RIN2: variants seen among roughly 807,000 people sequenced by gnomAD.
The protein encoded by RIN2 is Ras and Rab interactor 2, also known as RAB5 interacting protein 2.
A neutral mutation model predicts 78.0 loss-of-function variants in RIN2; 36 were observed. The observed-to-expected ratio is 0.46, with a 90% confidence interval of 0.35 to 0.61. The LOEUF (loss-of-function observed/expected upper bound fraction) is 0.61, where lower values mean the gene tolerates loss of function less well. RIN2 is among the 20% of genes least tolerant of loss of function. The pLI, the probability that RIN2 is intolerant of heterozygous loss-of-function variation, is 0.00. For synonymous variants in RIN2, 466 were observed against 466.8 expected (o/e 1.00, Z 0.02); for missense variants, 1,087 against 1,159.7 (o/e 0.94, Z 0.91).
At chr20:19,792,694 A>G (rs59165355) in intron 1 of RIN2, among the ~76,000 whole-genome samples, 2,339 of 152,356 alleles carry the variant, frequency 0.015, 66 homozygotes, top group African/African-American at 0.054. Flanking sequence ...GCCACTGACC[A>G]GCACATAGCG....
At chr20:19,840,851 A>T (rs1038180325) in intron 2 of RIN2, among the ~76,000 whole-genome samples, 2 of 152,170 alleles carry the variant, frequency 1.3e-5, no homozygotes, top group East Asian at 3.9e-4. Flanking sequence ...CTTTCTAGGA[A>T]CTCACAGATT....
chr20:19,950,737 G>T (rs977495974), intron 4 of RIN2, among the ~76,000 whole-genome samples: 2 of 151,986 alleles, frequency 1.3e-5, no homozygotes, highest in South Asian at 4.2e-4. Context: ...TTGAGACAGG[G>T]TCTTGCTCTG....
intron 1 of RIN2, among the ~76,000 whole-genome samples, chr20:19,776,731 C>CAA (rs778463108): frequency 1.7e-5 from 2 of 116,700 alleles, no homozygotes; most frequent in East Asian, 2.4e-4. Flanking sequence ...GACCCTGTCT[C>CAA]AAAAAAAAAA....
At chr20:19,927,168 G>T (rs2040258521) in intron 3 of RIN2, among the ~76,000 whole-genome samples, 1 of 152,228 alleles carries the variant, frequency 6.6e-6, no homozygotes, top group Non-Finnish European at 1.5e-5. Context: ...AGGAGGGGAG[G>T]TACATGAATC....
intron 2 of RIN2, among the ~76,000 whole-genome samples, chr20:19,853,330 C>T (rs1319316543): frequency 6.6e-6 from 1 of 152,106 alleles, no homozygotes; most frequent in East Asian, 1.9e-4. Flanking sequence ...GTGAATAATG[C>T]TGCAATAAAC....
intron 3 of RIN2, among the ~76,000 whole-genome samples, chr20:19,927,707 G>A (rs1426310582): frequency 2.6e-5 from 4 of 151,688 alleles, no homozygotes; most frequent in African/African-American, 9.7e-5. Flanking sequence ...GAGCCACCAC[G>A]CCCAGCCAAT....
rs527533585 is a variant in RIN2, at chr20:19,948,464, G to A, written c.159-8151G>A. Among the ~76,000 whole-genome samples, 58 of 152,030 alleles carry A rather than the reference G, an allele frequency of 3.8e-4. No homozygotes were observed. The South Asian group carries it at 6.5e-3, about 17-fold the overall frequency. On this transcript the variant is annotated intron_variant, in intron 4 of 12. Transcript: ENST00000255006. ...GGCTGGAGTGCAGTGGCGTGATCTCGGCTTACTGCAACCTCCGCCTCCCAG... is the reference window on the plus strand; with the variant it reads ...GGCTGGAGTGCAGTGGCGTGATCTCAGCTTACTGCAACCTCCGCCTCCCAG...
chr20:19,990,817 T>C (rs932366797), intron 10 of RIN2, among the ~76,000 whole-genome samples: 1 of 152,174 alleles, frequency 6.6e-6, no homozygotes, highest in African/African-American at 2.4e-5. Flanking sequence ...CAATGACCTA[T>C]AGTATGTGAA....
chr20:19,937,604 T>C (rs2040699552), intron 4 of RIN2, among the ~76,000 whole-genome samples: 1 of 152,268 alleles, frequency 6.6e-6, no homozygotes, highest in African/African-American at 2.4e-5. Context: ...AATATTGAGA[T>C]AACCTTGATC....
At chr20:19,833,433 C>G (rs1040070644) in intron 2 of RIN2, among the ~76,000 whole-genome samples, 1 of 152,110 alleles carries the variant, frequency 6.6e-6, no homozygotes, top group Non-Finnish European at 1.5e-5. Context: ...CCCAACAGGA[C>G]CCGGTATGTG....
At chr20:19,882,687 G>A (rs2038060746) in intron 2 of RIN2, among the ~76,000 whole-genome samples, 1 of 152,278 alleles carries the variant, frequency 6.6e-6, no homozygotes, top group Non-Finnish European at 1.5e-5. Flanking sequence ...TATGTTGTGT[G>A]ACCACTGATC....
Position 19,996,778 on chromosome 20 carries a change from C to T in RIN2, c.2300C>T (p.Thr767Ile). The stretch of plus-strand genomic sequence containing the variant: ...CTGCTCAGCTCAGAAACCAGAGACA[C>T]CCTGAGGCAGTGGCACAAACGGAGA... Reference protein sequence around the residue: ...ARLLSSETRDTLRQWHKRRTT... With the variant: ...ARLLSSETRDILRQWHKRRTT... The change falls in exon 12 of 13, where the codon ACC (threonine) becomes ATC (isoleucine). Residue 767 changes from threonine to isoleucine, a missense_variant. By Grantham distance (89) the Thr-to-Ile change is moderately conservative (BLOSUM62 -1). Coordinates refer to ENST00000255006, the MANE Select transcript of RIN2 (RefSeq NM_018993.4). 6.2e-7 allele frequency: 1 copy of T among 1,612,358 alleles called. No individual in the cohort carries two copies. Among genetic ancestry groups the T allele is most frequent in the Non-Finnish European group, 8.5e-7 (1 of 1,179,180 alleles).
At chr20:19,840,945 G>C (rs558994425) in intron 2 of RIN2, among the ~76,000 whole-genome samples, 57 of 152,282 alleles carry the variant, frequency 3.7e-4, no homozygotes, top group African/African-American at 1.4e-3. Context: ...ATCATCTCCA[G>C]TGTGGACTTT....
In RIN2 at chr20:19,975,548, T is replaced by A; in HGVS notation, c.1523T>A (p.Met508Lys). The change falls in exon 9 of 13, where the codon ATG (methionine) becomes AAG (lysine). Residue 508 changes from methionine to lysine, a missense_variant. Met to Lys is a moderately conservative substitution (Grantham distance 95). Around this residue, in one of 8 missense-constraint regions of RIN2, gnomAD observed 706 missense variants for 667.5 expected, o/e 1.06. Coordinates refer to ENST00000255006, the MANE Select transcript of RIN2 (RefSeq NM_018993.4). This position sits in a 1 kb window ranked among gnomAD's most constrained non-coding sequence, Gnocchi z 4.9. ...GTGAGCGGGGTGTTCAGCTCCTTCA[T>A]GACCCCGGAGAAGCGGATGGTCCGC... ...QKVSGVFSSFMTPEKRMVRRI... is the reference protein window; with the variant it reads ...QKVSGVFSSFKTPEKRMVRRI... The A allele has an allele frequency of 1.2e-6, 2 of 1,614,066 alleles. No individual in the cohort carries two copies. The highest frequency in any genetic ancestry group is 1.7e-6 in the Non-Finnish European group (2 of 1,179,900).
intron 9 of RIN2, among the ~76,000 whole-genome samples, chr20:19,988,818 A>G (rs1404513837): frequency 6.6e-6 from 1 of 152,198 alleles, no homozygotes; most frequent in Non-Finnish European, 1.5e-5. Flanking sequence ...TTGCAAAAAT[A>G]TCATAAAGAA....
In RIN2 at chr20:19,941,343, G is replaced by A. The variant is rs573690315; in HGVS notation, c.158+6144G>A. ...AGATGAGAAGGGAAGAATGGTGGCCGCAGCCTGGGGAAAGATGCCCAGAGT... is the reference window on the plus strand; with the variant it reads ...AGATGAGAAGGGAAGAATGGTGGCCACAGCCTGGGGAAAGATGCCCAGAGT... On this transcript the variant is annotated intron_variant, in intron 4 of 12. Transcript: ENST00000255006. Among the ~76,000 whole-genome samples the A allele has an allele frequency of 4.5e-4, 68 of 152,270 alleles. No individual in the cohort carries two copies. The South Asian group carries it at 0.012, about 26-fold the overall frequency.
At chr20:19,943,606 T>C (rs1020140445) in intron 4 of RIN2, among the ~76,000 whole-genome samples, 1 of 152,214 alleles carries the variant, frequency 6.6e-6, no homozygotes, top group Admixed American at 6.5e-5. Context: ...AGGAATTAAG[T>C]ATGAACTTGC....
intron 3 of RIN2, among the ~76,000 whole-genome samples, chr20:19,930,310 T>G (rs1439261693): frequency 6.6e-6 from 1 of 151,938 alleles, no homozygotes. Flanking sequence ...GGCATGGGAG[T>G]GCCGCTAAGT....
chr20:19,966,769 G>A (rs1204768101), intron 7 of RIN2, among the ~76,000 whole-genome samples: 3 of 152,184 alleles, frequency 2.0e-5, no homozygotes, highest in Non-Finnish European at 4.4e-5. Context: ...CTGAGAATGG[G>A]ACTAGTACCT....
Sources: gnomAD v4.1 joint callset for allele counts (sites outside exome capture counted in the v4.1 genomes callset) on GRCh38, gnomAD v4.1.1 for gene constraint, gnomAD v4.1.1 regional missense constraint, Gnocchi (gnomAD v3.1) non-coding constraint, MANE v1.5 for transcripts, NCBI Gene and HGNC (gene_info 2026-07-23, HGNC 2026-07-21) for gene names.